The following ZNF654 variants were observed in gnomAD, a reference collection of about 807,000 sequenced individuals.
ZNF654 encodes zinc finger protein 654.
In ZNF654, 19 loss-of-function variants were observed where a neutral mutation model predicts 95.3. The observed-to-expected ratio is 0.20, with a 90% CI of 0.14 to 0.29. The LOEUF is 0.29. Ranked by LOEUF, ZNF654 falls within the 10% of genes least tolerant of loss-of-function variation. ZNF654 has a pLI of 1.00. For missense variants in ZNF654, 1,046 were observed against 1,341.0 expected, an observed-to-expected ratio of 0.78 and a Z score of 3.44; for synonymous variants, 413 against 457.9, an observed-to-expected ratio of 0.90 and a Z score of 1.25.
rs1707061007 is a variant in ZNF654, at chr3:88,140,565, A to G, written c.2896A>G (p.Asn966Asp). 8 of 1,613,758 alleles carry G rather than the reference A, an allele frequency of 5.0e-6. No individual in the cohort carries two copies. The highest frequency in any genetic ancestry group is 6.8e-6 in the Non-Finnish European group (8 of 1,179,738). The change falls in exon 8 of 9, where the codon AAT becomes GAT. Residue 966 changes from asparagine to aspartate, a missense_variant. Transcript: ENST00000636215. ...IDQKMPDIEP[N>D]SENNCSSSDI... Reference sequence around the variant, plus strand: ...CCAAAAGATGCCTGACATAGAGCCAAATTCTGAAAATAATTGTAGTAGTAG... The same window carrying G: ...CCAAAAGATGCCTGACATAGAGCCAGATTCTGAAAATAATTGTAGTAGTAG...
intron 1 of ZNF654, among the ~76,000 whole-genome samples, chr3:88,081,955 G>A (rs1025300462): frequency 2.6e-5 from 4 of 152,166 alleles, no homozygotes; most frequent in East Asian, 1.9e-4. Context: ...AAGGGGGTAA[G>A]ACTAACCTAA....
chr3:88,126,967 C>T (rs967542606), intron 4 of ZNF654, among the ~76,000 whole-genome samples: 7 of 152,122 alleles, frequency 4.6e-5, no homozygotes, highest in African/African-American at 1.7e-4. Context: ...CCAAAATTTC[C>T]TTTCAAGGCA....
chr3:88,129,321 T>TA (rs11370327), intron 5 of ZNF654, among the ~76,000 whole-genome samples: 45,874 of 76,686 alleles, frequency 0.6, 13,179 homozygotes, highest in South Asian at 0.68. Flanking sequence ...TTGCCAGGAG[T>TA]AAAAAAAAAA....
chr3:88,097,405 C>G (rs572791721), intron 2 of ZNF654, among the ~76,000 whole-genome samples: 1 of 151,652 alleles, frequency 6.6e-6, no homozygotes, highest in Middle Eastern at 3.4e-3. Context: ...CACCCACTGT[C>G]AATATTAGAC....
At position 88,085,404 on chromosome 3, in the gene ZNF654, A is replaced by G. The variant is rs73844861; in HGVS notation, c.187-853A>G. ...GATATTGAAATTTGAATTTCATGTA[A>G]TTTTCACATATCACAAAGTGATTTT... is the stretch of plus-strand genomic sequence containing the variant. On this transcript the variant is annotated intron_variant, in intron 1 of 8. Coordinates refer to ENST00000636215, the MANE Select transcript of ZNF654 (RefSeq NM_001350134.2). Among the ~76,000 whole-genome samples the G allele has an allele frequency of 3.0e-3, 463 of 152,288 alleles. 3 individuals carry two copies. The highest frequency in any genetic ancestry group is 0.011 in the African/African-American group (445 of 41,564).
chr3:88,083,168 C>T (rs1316010178), intron 1 of ZNF654, among the ~76,000 whole-genome samples: 1 of 152,188 alleles, frequency 6.6e-6, no homozygotes, highest in African/African-American at 2.4e-5. Context: ...GCCCTGTCTT[C>T]AAATACAGTC....
chr3:88,108,152 T>C (rs538504530), intron 2 of ZNF654, among the ~76,000 whole-genome samples: 3 of 151,950 alleles, frequency 2.0e-5, no homozygotes, highest in African/African-American at 7.3e-5. Flanking sequence ...TTTTTGACCA[T>C]GTAGGTATAT....
intron 2 of ZNF654, among the ~76,000 whole-genome samples, chr3:88,110,111 C>T (rs1704999082): frequency 6.6e-6 from 1 of 152,090 alleles, no homozygotes; most frequent in Non-Finnish European, 1.5e-5. Context: ...TATTAATCAG[C>T]AAATACCTAT....
intron 2 of ZNF654, among the ~76,000 whole-genome samples, chr3:88,100,768 C>T (rs927255340): frequency 6.6e-6 from 1 of 151,798 alleles, no homozygotes; most frequent in African/African-American, 2.4e-5. Context: ...AATGAGAACA[C>T]TTGGACACAG....
chr3:88,128,751 CAA>C, intron 4 of ZNF654, 56 bp from the exon 5 acceptor site: 1 of 1,260,762 alleles, frequency 7.9e-7, no homozygotes, highest in Non-Finnish European at 1.1e-6. Context: ...TTTCAAAGAA[CAA>C]AGTTTGAGAG....
chr3:88,095,805 A>G, intron 2 of ZNF654: 2 of 444,044 alleles, frequency 4.5e-6, no homozygotes, highest in Non-Finnish European at 8.7e-6. Flanking sequence ...AAGGCAATCC[A>G]AGTTTTTCTC....
At chr3:88,109,534 A>G (rs1216302180) in intron 2 of ZNF654, among the ~76,000 whole-genome samples, 1 of 152,168 alleles carries the variant, frequency 6.6e-6, no homozygotes, top group Non-Finnish European at 1.5e-5. Context: ...CCTATGGCAG[A>G]TAAATGCACA....
chr3:88,093,027 G>A (rs1703841272), intron 2 of ZNF654, among the ~76,000 whole-genome samples: 1 of 152,130 alleles, frequency 6.6e-6, no homozygotes. Flanking sequence ...TTATAATTCT[G>A]TCTAACTTTA....
At chr3:88,123,326 G>A (rs548860918) in intron 3 of ZNF654, among the ~76,000 whole-genome samples, 5 of 152,200 alleles carry the variant, frequency 3.3e-5, no homozygotes, top group Non-Finnish European at 5.9e-5. Flanking sequence ...GACCCACGAA[G>A]TGTACATACA....
chr3:88,120,975 C>T (rs1230434243), intron 3 of ZNF654, among the ~76,000 whole-genome samples: 1 of 151,948 alleles, frequency 6.6e-6, no homozygotes, highest in East Asian at 1.9e-4. Context: ...AGGACAAGTA[C>T]CTAATGCATG....
rs1707196040 is a variant in ZNF654, at chr3:88,142,835, T to C, written c.*1183T>C. On this transcript the variant is annotated 3_prime_UTR_variant, in exon 9 of 9. Coordinates refer to ENST00000636215, the MANE Select transcript of ZNF654 (RefSeq NM_001350134.2). ...ACACAGTAAGAGATACATTCAAGCATTGTTTTCCTTAGTGATGTTATTTTC... is the reference window on the plus strand; with the variant it reads ...ACACAGTAAGAGATACATTCAAGCACTGTTTTCCTTAGTGATGTTATTTTC... 1 of 152,258 alleles carries C rather than the reference T, an allele frequency of 6.6e-6. No homozygotes were observed. The highest frequency in any genetic ancestry group is 1.5e-5 in the Non-Finnish European group (1 of 67,770). 9.4% of individuals were successfully genotyped at this position (152,258 alleles called of 1,614,324 possible). A position where few individuals can be genotyped will look rare whatever the true frequency, so the allele number is the denominator to read the frequency against.
At chr3:88,108,068 C>T (rs1335229396) in intron 2 of ZNF654, among the ~76,000 whole-genome samples, 2 of 151,870 alleles carry the variant, frequency 1.3e-5, no homozygotes, top group Admixed American at 1.3e-4. Context: ...AAAGAATTTG[C>T]ATTTGTTTTT....
Position 88,108,175 on chromosome 3 carries a change from C to CAT in ZNF654, c.333-4940_333-4939insAT, listed in dbSNP as rs1202302235. 1.8e-3 allele frequency among the ~76,000 whole-genome samples: 266 copies of CAT among 151,894 alleles called. 1 individual carries two copies. Among genetic ancestry groups the CAT allele is most frequent in the African/African-American group, 5.2e-3 (216 of 41,438 alleles). On this transcript the variant is annotated intron_variant, in intron 2 of 8. Coordinates refer to ENST00000636215, the MANE Select transcript of ZNF654 (RefSeq NM_001350134.2). ...CATGTAGGTATATGAATTCAGGTCA[C>CAT]GACCTACATGAGAAGATTTTCAAAG...
Position 88,084,163 on chromosome 3 carries a change from C to A in ZNF654, c.187-2094C>A, listed in dbSNP as rs1438771702. Among the ~76,000 whole-genome samples the A allele has an allele frequency of 6.6e-5, 10 of 152,106 alleles. No individual in the cohort carries two copies. In the East Asian group the frequency reaches 1.9e-3, roughly 29 times the overall value. The stretch of plus-strand genomic sequence containing the variant: ...TGTGTTAGGTTTGGCCTCAGCTAGA[C>A]TAGGCAAATACATTGGTAGCCAAAC... On this transcript the variant is annotated intron_variant, in intron 1 of 8. Transcript: ENST00000636215.
Sources: gnomAD v4.1 joint callset for allele counts (sites outside exome capture counted in the v4.1 genomes callset) on GRCh38, gnomAD v4.1.1 for gene constraint, MANE v1.5 for transcripts, NCBI Gene and HGNC (gene_info 2026-07-23, HGNC 2026-07-21) for gene names.